The following NELL1 variants were observed in gnomAD, a reference collection of about 807,000 sequenced individuals.
The protein encoded by NELL1 is protein kinase C-binding protein NELL1.
Under a neutral mutation model 107.4 loss-of-function variants are expected in NELL1, and 76 were observed. The observed-to-expected ratio is 0.71, with a 90% confidence interval of 0.59 to 0.86. The LOEUF is 0.86. Among genes scored for constraint, NELL1 ranks in the 40% least tolerant of loss-of-function variants. The pLI is 0.00. For missense variants in NELL1, 1,024 were observed against 1,005.5 expected (o/e 1.02, Z -0.25); for synonymous variants, 353 against 341.2 (o/e 1.03, Z -0.38).
At chr11:21,295,216 T>C (rs1849348745) in intron 14 of NELL1, among the ~76,000 whole-genome samples, 1 of 152,086 alleles carries the variant, frequency 6.6e-6, no homozygotes, top group Non-Finnish European at 1.5e-5. Flanking sequence ...CAATTACAGA[T>C]AGTAAGTAGG....
chr11:20,837,513 A>G (rs1215983638), intron 3 of NELL1, among the ~76,000 whole-genome samples: 1 of 152,188 alleles, frequency 6.6e-6, no homozygotes, highest in Non-Finnish European at 1.5e-5. Context: ...ATAGTGGCCA[A>G]ATCTTGATTT....
intron 2 of NELL1, among the ~76,000 whole-genome samples, chr11:20,767,721 T>TTCAC (rs1856560839): frequency 8.1e-6 from 1 of 123,620 alleles, no homozygotes; most frequent in South Asian, 2.2e-4. Context: ...ATATATCATA[T>TTCAC]TCATTCATTC....
intron 12 of NELL1, among the ~76,000 whole-genome samples, chr11:20,982,697 G>A (rs1270535742): frequency 6.6e-6 from 1 of 151,848 alleles, no homozygotes; most frequent in Non-Finnish European, 1.5e-5. Context: ...AGAACCGTAA[G>A]CAAAGTCTCT....
At chr11:20,844,364 A>T (rs919473) in intron 3 of NELL1, among the ~76,000 whole-genome samples, 41,128 of 152,050 alleles carry the variant, frequency 0.27, 6,312 homozygotes, top group African/African-American at 0.4. Context: ...TATTTGCAGG[A>T]TGAGCAGACT....
chr11:20,906,013 G>A (rs528382610), intron 5 of NELL1, among the ~76,000 whole-genome samples: 6 of 152,144 alleles, frequency 3.9e-5, no homozygotes, highest in South Asian at 4.2e-4. Flanking sequence ...AAAGATAAAC[G>A]CAAAGAGAAT....
chr11:20,842,243 GGT>G (rs1848634894), intron 3 of NELL1, among the ~76,000 whole-genome samples: 1 of 152,036 alleles, frequency 6.6e-6, no homozygotes, highest in African/African-American at 2.4e-5. Context: ...CAGGCATGGT[GGT>G]GGGGTGCCTG....
chr11:21,398,586 A>G (rs1183327076), intron 15 of NELL1, among the ~76,000 whole-genome samples: 2 of 151,632 alleles, frequency 1.3e-5, no homozygotes, highest in Non-Finnish European at 1.5e-5. Flanking sequence ...GGGCCCAGAT[A>G]AGACCTCAGA....
chr11:20,853,397 G>C (rs188064430), intron 4 of NELL1, among the ~76,000 whole-genome samples: 13 of 152,310 alleles, frequency 8.5e-5, no homozygotes, highest in Admixed American at 8.5e-4. Context: ...AACGATGCAG[G>C]AGTGTGAAAG....
intron 14 of NELL1, among the ~76,000 whole-genome samples, chr11:21,337,856 T>G (rs1354535287): frequency 4.5e-4 from 68 of 149,616 alleles, no homozygotes; most frequent in South Asian, 8.5e-4. Flanking sequence ...TTTCTTTCTT[T>G]CTTTCTTTCT....
chr11:21,336,460 T>G (rs1042348242), intron 14 of NELL1, among the ~76,000 whole-genome samples: 6 of 151,926 alleles, frequency 3.9e-5, no homozygotes, highest in Non-Finnish European at 7.4e-5. Context: ...ATCTAGGTTG[T>G]TTCCACTTTG....
chr11:20,948,429 A>T (rs1433684596), intron 11 of NELL1, among the ~76,000 whole-genome samples: 1 of 152,080 alleles, frequency 6.6e-6, no homozygotes, highest in Non-Finnish European at 1.5e-5. Context: ...ACATGTATAC[A>T]ATGTGTAATC....
intron 13 of NELL1, among the ~76,000 whole-genome samples, chr11:21,156,840 C>T (rs545744034): frequency 1.3e-5 from 2 of 151,792 alleles, no homozygotes; most frequent in East Asian, 3.9e-4. Flanking sequence ...TGCCTGTAAC[C>T]CCAGCACTTT....
intron 12 of NELL1, among the ~76,000 whole-genome samples, chr11:21,072,035 T>C (rs1273922394): frequency 6.6e-6 from 1 of 152,098 alleles, no homozygotes; most frequent in African/African-American, 2.4e-5. Context: ...CTCATTATCA[T>C]GGGGATTAGG....
intron 12 of NELL1, among the ~76,000 whole-genome samples, chr11:21,099,433 C>A (rs940306434): frequency 7.9e-5 from 12 of 152,172 alleles, no homozygotes; most frequent in Middle Eastern, 3.4e-3. Context: ...AGTCAAGGGG[C>A]ATTGGCTGGC....
chr11:21,290,008 A>G (rs1025584300), intron 14 of NELL1, among the ~76,000 whole-genome samples: 5 of 152,166 alleles, frequency 3.3e-5, no homozygotes, highest in African/African-American at 1.2e-4. Flanking sequence ...GTTTATAGAT[A>G]AAATTCCCAT....
intron 12 of NELL1, among the ~76,000 whole-genome samples, chr11:20,987,625 C>T (rs563965091): frequency 5.7e-4 from 87 of 152,176 alleles, no homozygotes; most frequent in South Asian, 1.7e-3. Context: ...GTAACCACTC[C>T]GATGATTCAA....
rs538762852 is a variant in NELL1 at position 21,134,924 on chromosome 11, A to G, written c.1426+21210A>G. 4.6e-5 allele frequency among the ~76,000 whole-genome samples: 7 copies of G among 152,360 alleles called. No homozygotes were observed. In the South Asian group the frequency reaches 1.4e-3, roughly 32 times the overall value. On this transcript the variant is annotated intron_variant, in intron 13 of 19. Transcript: ENST00000357134. Reference sequence around the variant, plus strand: ...TTAATCTCTCATTTGTATAATGTGCATAATATTAGTATTTATAACATAGGG... The same window carrying G: ...TTAATCTCTCATTTGTATAATGTGCGTAATATTAGTATTTATAACATAGGG...
intron 14 of NELL1, among the ~76,000 whole-genome samples, chr11:21,365,185 C>A (rs933215023): frequency 6.6e-6 from 1 of 152,106 alleles, no homozygotes; most frequent in African/African-American, 2.4e-5. Context: ...TTTTATATGC[C>A]TTTCTCTCTG....
chr11:20,955,043 A>C (rs1311356624), intron 11 of NELL1, among the ~76,000 whole-genome samples: 1 of 152,166 alleles, frequency 6.6e-6, no homozygotes, highest in African/African-American at 2.4e-5. Flanking sequence ...GGAAAATGTG[A>C]CCATTTAATC....
Sources: gnomAD v4.1 joint callset for allele counts (sites outside exome capture counted in the v4.1 genomes callset) on GRCh38, gnomAD v4.1.1 for gene constraint, MANE v1.5 for transcripts, NCBI Gene and HGNC (gene_info 2026-07-23, HGNC 2026-07-21) for gene names.